The following DNAI1 variants were observed in gnomAD, a reference collection of about 807,000 sequenced individuals.
DNAI1 encodes the protein dynein, axonemal, intermediate polypeptide 1.
Under a neutral mutation model 92.0 loss-of-function variants are expected in DNAI1, and 67 were observed. The ratio of observed to expected loss-of-function variants is 0.73; its 90% CI spans 0.60 to 0.89. The LOEUF (loss-of-function observed/expected upper bound fraction) is 0.89, where lower values mean the gene tolerates loss of function less well. Ranked by LOEUF, DNAI1 falls within the 40% of genes least tolerant of loss-of-function variation. DNAI1 has a pLI of 0.00. For missense variants in DNAI1, 839 were observed against 866.6 expected, an observed-to-expected ratio of 0.97 and a Z score of 0.40; for synonymous variants, 323 against 319.6, an observed-to-expected ratio of 1.01 and a Z score of -0.11.
chr9:34,506,371 C>T (rs1158968632), intron 12 of DNAI1, among the ~76,000 whole-genome samples: 2 of 152,168 alleles, frequency 1.3e-5, no homozygotes, highest in Non-Finnish European at 1.5e-5. Flanking sequence ...TTTCCTGCAC[C>T]TTGGGGAGAA....
chr9:34,520,113 G>A (rs576783951), intron 19 of DNAI1, among the ~76,000 whole-genome samples: 1 of 152,264 alleles, frequency 6.6e-6, no homozygotes, highest in East Asian at 1.9e-4. Context: ...CCAACCCTGG[G>A]TATGTCTGAC....
chr9:34,499,567 G>A (rs1824786794), intron 10 of DNAI1, among the ~76,000 whole-genome samples: 1 of 152,172 alleles, frequency 6.6e-6, no homozygotes, highest in Admixed American at 6.5e-5. Flanking sequence ...AGGCAATCTA[G>A]TGTGACAGAT....
chr9:34,471,963 A>G (rs1824144640), intron 1 of DNAI1, among the ~76,000 whole-genome samples: 1 of 152,196 alleles, frequency 6.6e-6, no homozygotes, highest in Admixed American at 6.5e-5. Flanking sequence ...ATATAAATGG[A>G]AGTATTTTTA....
At chr9:34,468,187 CT>C (rs35471260) in intron 1 of DNAI1, among the ~76,000 whole-genome samples, 29,119 of 144,180 alleles carry the variant, frequency 0.2, 3,250 homozygotes, top group African/African-American at 0.33. Flanking sequence ...AGGAAGAAGG[CT>C]TTTTTTTTTT....
chr9:34,514,719 G>A lies in DNAI1; in HGVS notation c.1798G>A (p.Ala600Thr). The A allele has an allele frequency of 1.9e-6, 3 of 1,614,070 alleles. No homozygotes were observed. The highest frequency in any genetic ancestry group is 1.7e-6 in the Non-Finnish European group (2 of 1,180,040). The change falls in exon 18 of 20, where the codon GCA becomes ACA. Residue 600 changes from alanine to threonine, a missense_variant. Transcript: ENST00000242317. ...GCCATACTCTTCTACTGTGTTCGCA[G>A]CAGTCACCACAGATGGGAAGGTGAG... ...WAPYSSTVFA[A>T]VTTDGKAHIF...
intron 1 of DNAI1, among the ~76,000 whole-genome samples, chr9:34,482,583 T>C (rs1350718567): frequency 1.3e-5 from 2 of 152,086 alleles, no homozygotes; most frequent in African/African-American, 4.8e-5. Flanking sequence ...GAGTGTTGAT[T>C]GGTGCACTCA....
chr9:34,489,903 A>C, intron 5 of DNAI1, 109 bp from the exon 6 acceptor site: 2 of 1,514,588 alleles, frequency 1.3e-6, no homozygotes, highest in Non-Finnish European at 1.8e-6. Flanking sequence ...GAGCTAACCC[A>C]TGACACTCAG....
At chr9:34,493,879 T>C (rs1220276220) in intron 9 of DNAI1, among the ~76,000 whole-genome samples, 1 of 152,046 alleles carries the variant, frequency 6.6e-6, no homozygotes, top group African/African-American at 2.4e-5. Flanking sequence ...GTAGAAGTCA[T>C]TATAAAGGTC....
chr9:34,466,735 A>G (rs1330923497), intron 1 of DNAI1, among the ~76,000 whole-genome samples: 2 of 152,198 alleles, frequency 1.3e-5, no homozygotes, highest in Admixed American at 6.5e-5. Context: ...GGGACCAACT[A>G]CTTTCTCCAC....
chr9:34,497,920 G>A (rs574693857), intron 10 of DNAI1, among the ~76,000 whole-genome samples: 1 of 152,306 alleles, frequency 6.6e-6, no homozygotes, highest in Admixed American at 6.5e-5. Flanking sequence ...AAAGAGGTGA[G>A]AGTTCAGGCG....
chr9:34,520,830 C>G lies in DNAI1; in HGVS notation c.*74C>G, dbSNP rs564463606. On this transcript the variant is annotated 3_prime_UTR_variant, in exon 20 of 20. Transcript: ENST00000242317. Reference sequence around the variant, plus strand: ...GGCTTGACCCTGGTACCCAGCCCAGCCTTAGCACCCAGCATGTGACCCCAC... The same window carrying G: ...GGCTTGACCCTGGTACCCAGCCCAGGCTTAGCACCCAGCATGTGACCCCAC... The G allele has an allele frequency of 7.0e-5, 100 of 1,424,536 alleles. No homozygotes were observed. In the South Asian group the frequency reaches 1.1e-3, roughly 16 times the overall value. The allele number at this position is 1,424,536 out of a possible 1,614,324, so 88.2% of individuals were successfully genotyped here.
chr9:34,493,856 C>G (rs1421202733), intron 9 of DNAI1, among the ~76,000 whole-genome samples: 1 of 152,192 alleles, frequency 6.6e-6, no homozygotes, highest in East Asian at 1.9e-4. Context: ...CTAGATTTTC[C>G]ATGAAGAGCC....
intron 8 of DNAI1, 149 bp from the exon 9 acceptor site, chr9:34,493,045 G>A: frequency 3.1e-6 from 3 of 975,000 alleles, no homozygotes; most frequent in South Asian, 1.3e-5. Context: ...GGGAAGACAG[G>A]TATTGAATAC....
intron 1 of DNAI1, among the ~76,000 whole-genome samples, chr9:34,477,738 C>T (rs1424142956): frequency 6.6e-6 from 1 of 151,992 alleles, no homozygotes; most frequent in Non-Finnish European, 1.5e-5. Flanking sequence ...TAGTGGTACA[C>T]TTGAGTGAGA....
intron 13 of DNAI1, among the ~76,000 whole-genome samples, chr9:34,511,617 A>G (rs1284548164): frequency 6.6e-6 from 1 of 152,190 alleles, no homozygotes; most frequent in Non-Finnish European, 1.5e-5. Flanking sequence ...AATACTTCAT[A>G]TGTGCAATGT....
intron 1 of DNAI1, among the ~76,000 whole-genome samples, chr9:34,480,415 T>G (rs537305721): frequency 1.3e-5 from 2 of 151,444 alleles, no homozygotes; most frequent in East Asian, 3.9e-4. Context: ...ATAGCTGAGA[T>G]TACAGGTGTG....
chr9:34,491,409 A>G (rs755065583), intron 7 of DNAI1, 86 bp from the exon 8 acceptor site: 9 of 1,499,530 alleles, frequency 6.0e-6, no homozygotes, highest in Non-Finnish European at 8.3e-6. Context: ...GCCCCAGCCA[A>G]AATGCTTCTC....
intron 1 of DNAI1, among the ~76,000 whole-genome samples, chr9:34,482,108 A>G (rs1042147181): frequency 2.6e-5 from 4 of 152,236 alleles, no homozygotes; most frequent in African/African-American, 9.6e-5. Flanking sequence ...AGGTTCTCCA[A>G]GTCCCCACCA....
At chr9:34,516,663 T>G (rs977116009) in intron 18 of DNAI1, among the ~76,000 whole-genome samples, 2 of 152,072 alleles carry the variant, frequency 1.3e-5, no homozygotes, top group African/African-American at 4.8e-5. Flanking sequence ...AATGAGGTGA[T>G]GCAACCGTAT....
Sources: allele counts gnomAD v4.1 joint callset (sites outside exome capture counted in the v4.1 genomes callset), GRCh38; gene constraint gnomAD v4.1.1; transcripts MANE v1.5; gene names NCBI Gene and HGNC (gene_info 2026-07-23, HGNC 2026-07-21).